Variants in NSMCE2 observed in about 807,000 individuals in gnomAD.
NSMCE2 encodes the protein E3 SUMO-protein ligase NSE2.
In NSMCE2, 24 loss-of-function variants were observed where a neutral mutation model predicts 23.8. That is an observed-to-expected ratio of 1.01 (90% CI 0.73 to 1.42). NSMCE2 has a LOEUF of 1.42. Among genes scored for constraint, NSMCE2 ranks in the 40% most tolerant of loss-of-function variants. The pLI is 0.00. For synonymous variants in NSMCE2, 92 were observed against 94.1 expected (o/e 0.98, Z 0.13); for missense variants, 284 against 296.5 (o/e 0.96, Z 0.31).
intron 1 of NSMCE2, among the ~76,000 whole-genome samples, chr8:125,101,139 CTT>C (rs930414624): frequency 6.6e-6 from 1 of 152,304 alleles, no homozygotes; most frequent in African/African-American, 2.4e-5. Flanking sequence ...ATGCCCTTCT[CTT>C]TTTATATCCT....
rs536267397 is a variant in NSMCE2 at position 125,196,677 on chromosome 8, T to A, written c.418+14421T>A. Among the ~76,000 whole-genome samples, 16 of 152,374 alleles carry A rather than the reference T, an allele frequency of 1.1e-4. No homozygotes were observed. In the East Asian group the frequency reaches 3.1e-3, roughly 29 times the overall value. ...CAGTAAACATATGTGTGCATGTGTC[T>A]TTACGGTAGCATGATTTATAATCCT... is the stretch of plus-strand genomic sequence containing the variant. On this transcript the variant is annotated intron_variant, in intron 5 of 7. Coordinates refer to ENST00000287437, the MANE Select transcript of NSMCE2 (RefSeq NM_173685.4).
chr8:125,342,022 T>G (rs1830272176), intron 5 of NSMCE2, among the ~76,000 whole-genome samples: 1 of 149,860 alleles, frequency 6.7e-6, no homozygotes, highest in East Asian at 2.0e-4. Flanking sequence ...CCTCAGGTGG[T>G]GGGGGGGTTA....
chr8:125,363,939 T>C (rs116654617), intron 7 of NSMCE2, among the ~76,000 whole-genome samples: 1 of 152,148 alleles, frequency 6.6e-6, no homozygotes, highest in East Asian at 1.9e-4. Context: ...GGCACTTTTT[T>C]TTTGTTTGTT....
At chr8:125,259,017 C>G (rs994745751) in intron 5 of NSMCE2, among the ~76,000 whole-genome samples, 7 of 152,320 alleles carry the variant, frequency 4.6e-5, no homozygotes, top group African/African-American at 1.4e-4. Context: ...ATTCTCCTGC[C>G]TCAGCCTCCC....
chr8:125,174,846 A>G (rs1254636088), intron 4 of NSMCE2, among the ~76,000 whole-genome samples: 1 of 152,228 alleles, frequency 6.6e-6, no homozygotes, highest in South Asian at 2.1e-4. Flanking sequence ...AGTCAAAACC[A>G]TGCTAAATAA....
intron 1 of NSMCE2, among the ~76,000 whole-genome samples, chr8:125,094,914 C>G (rs377398075): frequency 6.6e-6 from 1 of 152,132 alleles, no homozygotes; most frequent in Non-Finnish European, 1.5e-5. Flanking sequence ...AGTGCAGTGG[C>G]GTGATCATGG....
intron 5 of NSMCE2, among the ~76,000 whole-genome samples, chr8:125,227,186 G>A (rs191153879): frequency 6.6e-6 from 1 of 152,276 alleles, no homozygotes; most frequent in East Asian, 1.9e-4. Context: ...TTGGGGGGCA[G>A]CCTCCAGATC....
chr8:125,162,464 T>C (rs1821678110), intron 4 of NSMCE2, among the ~76,000 whole-genome samples: 1 of 152,150 alleles, frequency 6.6e-6, no homozygotes, highest in South Asian at 2.1e-4. Flanking sequence ...AATTTTCCAG[T>C]GTTAGAGTTA....
At position 125,143,098 on chromosome 8, in the gene NSMCE2, G is replaced by GCACA. The variant is rs56704513; in HGVS notation, c.158-8052_158-8049dup. ...CAGGACACCCCCAGTGTGGGTGCAC[G>GCACA]CACACACACACACACACACACACAG... On this transcript the variant is annotated intron_variant, in intron 3 of 7. Coordinates refer to ENST00000287437, the MANE Select transcript of NSMCE2 (RefSeq NM_173685.4). 7.2e-3 allele frequency among the ~76,000 whole-genome samples: 1,076 copies of GCACA among 148,464 alleles called. 11 individuals carry two copies. Among genetic ancestry groups the GCACA allele is most frequent in the African/African-American group, 0.019 (788 of 40,582 alleles).
At chr8:125,116,677 T>C (rs1284991539) in intron 3 of NSMCE2, among the ~76,000 whole-genome samples, 1 of 152,160 alleles carries the variant, frequency 6.6e-6, no homozygotes, top group East Asian at 1.9e-4. Flanking sequence ...AACCTACTTA[T>C]GTCATTAGCA....
intron 5 of NSMCE2, among the ~76,000 whole-genome samples, chr8:125,309,960 A>T (rs1186864005): frequency 6.6e-6 from 1 of 152,116 alleles, no homozygotes; most frequent in Non-Finnish European, 1.5e-5. Flanking sequence ...GCTGTGAGAA[A>T]CTCAAGATCA....
intron 5 of NSMCE2, among the ~76,000 whole-genome samples, chr8:125,291,501 T>C (rs907526023): frequency 6.6e-6 from 1 of 152,148 alleles, no homozygotes; most frequent in South Asian, 2.1e-4. Context: ...ATAGGAGATA[T>C]ACATTGGCCA....
chr8:125,307,010 G>A (rs1349656874), intron 5 of NSMCE2, among the ~76,000 whole-genome samples: 2 of 152,230 alleles, frequency 1.3e-5, no homozygotes, highest in South Asian at 2.1e-4. Context: ...ACTGAATTAT[G>A]CCAGTGGATA....
At chr8:125,145,392 C>CG (rs558296449) in intron 3 of NSMCE2, among the ~76,000 whole-genome samples, 199 of 152,008 alleles carry the variant, frequency 1.3e-3, no homozygotes, top group African/African-American at 4.4e-3. Flanking sequence ...GGTGGCAGTG[C>CG]GGGGGGGATA....
intron 5 of NSMCE2, among the ~76,000 whole-genome samples, chr8:125,221,642 G>T (rs1217103119): frequency 6.6e-6 from 1 of 152,174 alleles, no homozygotes; most frequent in Non-Finnish European, 1.5e-5. Flanking sequence ...TGGAATATTT[G>T]TATATACATA....
chr8:125,246,453 A>C (rs1825966730), intron 5 of NSMCE2, among the ~76,000 whole-genome samples: 1 of 152,128 alleles, frequency 6.6e-6, no homozygotes, highest in Non-Finnish European at 1.5e-5. Flanking sequence ...AAGTGCTAGG[A>C]TTACAGGTGT....
chr8:125,244,031 G>GT (rs11407395), intron 5 of NSMCE2, among the ~76,000 whole-genome samples: 9,350 of 149,460 alleles, frequency 0.063, 552 homozygotes, highest in African/African-American at 0.15. Context: ...TATTGTAAGA[G>GT]TTTTTTTTTT....
chr8:125,326,770 A>G (rs1829680460), intron 5 of NSMCE2, among the ~76,000 whole-genome samples: 1 of 151,032 alleles, frequency 6.6e-6, no homozygotes. Flanking sequence ...GGCCTGGCCA[A>G]TGTGGCAAAA....
At chr8:125,176,827 G>A (rs1822522470) in intron 4 of NSMCE2, among the ~76,000 whole-genome samples, 1 of 152,186 alleles carries the variant, frequency 6.6e-6, no homozygotes, top group Non-Finnish European at 1.5e-5. Flanking sequence ...GCAGACATCG[G>A]CAGCTGAGTA....
Sources: allele counts gnomAD v4.1 joint callset (sites outside exome capture counted in the v4.1 genomes callset), GRCh38; gene constraint gnomAD v4.1.1; transcripts MANE v1.5; gene names NCBI Gene and HGNC (gene_info 2026-07-23, HGNC 2026-07-21).